SEC14L6: variants seen among roughly 807,000 people sequenced by gnomAD.
SEC14L6 encodes SEC14-like protein 6.
Under a neutral mutation model 54.1 loss-of-function variants are expected in SEC14L6, and 40 were observed. That is an observed-to-expected ratio of 0.74 (90% CI 0.57 to 0.96). The LOEUF (loss-of-function observed/expected upper bound fraction) is 0.96. Among genes scored for constraint, SEC14L6 ranks in the 40% least tolerant of loss-of-function variants. The pLI is 0.00. For synonymous variants in SEC14L6, 171 were observed against 198.4 expected (o/e 0.86, Z 1.16); for missense variants, 471 against 498.3 (o/e 0.95, Z 0.52).
At chr22:30,543,746 T>G in intron 1 of SEC14L6, 1 of 1,579,190 alleles carries the variant, frequency 6.3e-7, no homozygotes, top group Admixed American at 1.7e-5. Flanking sequence ...GCTCTCTACC[T>G]CGTCCGAATC....
At chr22:30,526,486 A>C (rs1936784605) in intron 8 of SEC14L6, among the ~76,000 whole-genome samples, 3 of 152,210 alleles carry the variant, frequency 2.0e-5, no homozygotes, top group Admixed American at 2.0e-4. Flanking sequence ...AGAGGTGGAC[A>C]CCCAGTACCC....
intron 11 of SEC14L6, 86 bp downstream of exon 11, chr22:30,525,264 C>G (rs1568960483): frequency 6.7e-7 from 1 of 1,491,416 alleles, no homozygotes; most frequent in African/African-American, 1.4e-5. Context: ...AACCAAGGGC[C>G]CTCACCTGGT....
At chr22:30,534,993 G>A (rs1274696212) in intron 2 of SEC14L6, among the ~76,000 whole-genome samples, 2 of 150,742 alleles carry the variant, frequency 1.3e-5, no homozygotes, top group Admixed American at 6.6e-5. Flanking sequence ...CTAGGGGTTC[G>A]AGACCAGCCT....
Position 30,531,998 on chromosome 22 carries a change from G to C in SEC14L6, c.424C>G (p.Leu142Val). The C allele has an allele frequency of 6.5e-7, 1 of 1,550,286 alleles. No individual in the cohort carries two copies. The highest frequency in any genetic ancestry group is 8.7e-7 in the Non-Finnish European group (1 of 1,146,608). ...LRECELQSQK[L>V]GKRVEKIIAI... ...ATGATTTTCTCCACCCTCTTCCCCA[G>C]CTGCAAGGGAATGACAGGGGGTGAG... Residue 142 changes from leucine (L) to valine (V), a missense_variant and splice_region_variant, in exon 6 of 12, where the codon CTG (leucine) becomes GTG (valine). By Grantham distance (32) the Leu-to-Val change is conservative. Transcript: ENST00000402034.
chr22:30,535,887 G>GTA (rs777717044), intron 2 of SEC14L6, among the ~76,000 whole-genome samples: 5 of 128,518 alleles, frequency 3.9e-5, no homozygotes, highest in Non-Finnish European at 3.3e-5. Flanking sequence ...AGTTTTTTGT[G>GTA]TTTTTTTTTT....
chr22:30,543,924 G>A, intron 1 of SEC14L6: 4 of 1,605,952 alleles, frequency 2.5e-6, no homozygotes, highest in Non-Finnish European at 3.4e-6. Flanking sequence ...ACCACACAGA[G>A]TATGCCAGCA....
intron 8 of SEC14L6, among the ~76,000 whole-genome samples, chr22:30,526,181 C>A (rs1428128056): frequency 6.6e-6 from 1 of 152,244 alleles, no homozygotes; most frequent in African/African-American, 2.4e-5. Context: ...ACTGCCCCTG[C>A]AGGCCCTGCC....
At chr22:30,543,233 T>C (rs1454662916) in intron 1 of SEC14L6, 38 of 1,600,996 alleles carry the variant, frequency 2.4e-5, no homozygotes, top group Non-Finnish European at 3.3e-5. Flanking sequence ...CGCGGGGACA[T>C]TCACTCTCAA....
chr22:30,526,678 C>T lies in SEC14L6; in HGVS notation c.665-746G>A, dbSNP rs1382697967. On this transcript the variant is annotated intron_variant, in intron 8 of 11. Transcript: ENST00000402034. ...CCGGGAGGCAGAGGCTGCAGTGAGC[C>T]GAGACCACACCCTGTACTCCAGCCT... is the stretch of plus-strand genomic sequence containing the variant. 8.1e-5 allele frequency among the ~76,000 whole-genome samples: 12 copies of T among 148,952 alleles called. No individual in the cohort carries two copies. In the East Asian group the frequency reaches 1.4e-3, roughly 17 times the overall value.
intron 2 of SEC14L6, among the ~76,000 whole-genome samples, chr22:30,535,580 C>T (rs540902314): frequency 5.5e-4 from 84 of 152,266 alleles, no homozygotes; most frequent in Non-Finnish European, 9.6e-4. Context: ...GGGGACTAGA[C>T]GCCTGTCTTT....
At position 30,528,000 on chromosome 22, in the gene SEC14L6, A is replaced by G. The variant is rs556819207; in HGVS notation, c.664+1087T>C. Among the ~76,000 whole-genome samples, 26 of 152,154 alleles carry G rather than the reference A, an allele frequency of 1.7e-4. No homozygotes were observed. The East Asian group carries it at 5.0e-3, about 29-fold the overall frequency. On this transcript the variant is annotated intron_variant, in intron 8 of 11. Transcript: ENST00000402034. ...TTTTTTGGAAAATATATTTCTCTGA[A>G]AAAGATAGTGTTAATTGTAGTTCGC...
chr22:30,526,105 G>A (rs1206617768), intron 8 of SEC14L6, among the ~76,000 whole-genome samples, 173 bp from the exon 9 acceptor site: 3 of 152,202 alleles, frequency 2.0e-5, no homozygotes, highest in Admixed American at 6.5e-5. Context: ...AGTGGCCCTA[G>A]GTCTTGTCCT....
At position 30,532,722 on chromosome 22, in the gene SEC14L6, A is replaced by G. The variant is rs774423789; in HGVS notation, c.235-9T>C. 1.3e-6 allele frequency: 2 copies of G among 1,580,134 alleles called. No homozygotes were observed. Among genetic ancestry groups the G allele is most frequent in the Non-Finnish European group, 1.7e-6 (2 of 1,162,800 alleles). ...TTGTACAGCCTGACCACCTGGATGC[A>G]TACACAGGAGACGGGGGTTCAGTGC... is the stretch of plus-strand genomic sequence containing the variant. On this transcript the variant is annotated splice_polypyrimidine_tract_variant and intron_variant, in intron 4 of 11. Transcript: ENST00000402034.
At chr22:30,543,895 C>G in intron 1 of SEC14L6, 1 of 1,587,352 alleles carries the variant, frequency 6.3e-7, no homozygotes, top group Non-Finnish European at 8.6e-7. Flanking sequence ...GCCTGCTCCC[C>G]GGGCCGCGGA....
rs759028622 is a variant in SEC14L6, at chr22:30,529,154, G to C, written c.597C>G (p.Ala199=). Reference sequence around the variant, plus strand: ...AAGACTTGACCAGGTTGAAGGCTACGGCGAATAGCTTGGGGGCTGAAACCA... The same window carrying C: ...AAGACTTGACCAGGTTGAAGGCTACCGCGAATAGCTTGGGGGCTGAAACCA... ...LIVVRAPKLF[A]VAFNLVKSYM... Residue 199 remains alanine (A), a synonymous_variant, in exon 8 of 12, where the codon GCC becomes GCG. Coordinates refer to ENST00000402034, the MANE Select transcript of SEC14L6 (RefSeq NM_001193336.4). The C allele has an allele frequency of 6.4e-7, 1 of 1,551,048 alleles. No individual in the cohort carries two copies. The highest frequency in any genetic ancestry group is 1.2e-5 in the South Asian group (1 of 84,016).
At chr22:30,538,999 G>A (rs1393491404) in intron 1 of SEC14L6, 97 bp from the exon 2 acceptor site, 1 of 789,020 alleles carries the variant, frequency 1.3e-6, no homozygotes. Context: ...TGAGTGAAGA[G>A]GTCCCACTCG....
rs1936650639 is a variant in SEC14L6, at chr22:30,522,847, A to G, written c.*2150T>C. On this transcript the variant is annotated 3_prime_UTR_variant, in exon 12 of 12. Transcript: ENST00000402034. ...ATCGCCCCCAAACTGGAAGCGACTC[A>G]ACCAGCCTTTAACAGGGGAAGGGAT... is the stretch of plus-strand genomic sequence containing the variant. 6.6e-6 allele frequency: 1 copy of G among 152,188 alleles called. No homozygotes were observed. The highest frequency in any genetic ancestry group is 2.1e-4 in the South Asian group (1 of 4,832). The allele number at this position is 152,188 out of a possible 1,614,324, so 9.4% of individuals were successfully genotyped here.
At position 30,532,263 on chromosome 22, in the gene SEC14L6, TCGTC is replaced by T. The variant is rs1937003159; in HGVS notation, c.423+258_423+261del. On this transcript the variant is annotated intron_variant, in intron 5 of 11. Coordinates refer to ENST00000402034, the MANE Select transcript of SEC14L6 (RefSeq NM_001193336.4). ...AGTGGGGCTGAAATCCCTGTCCCTC[TCGTC>T]CAATGAGGCTGCAGAGGGCAGTGTG... 3.0e-6 allele frequency: 3 copies of T among 985,342 alleles called. No individual in the cohort carries two copies. In the South Asian group the frequency reaches 1.4e-4, roughly 46 times the overall value. The allele number at this position is 985,342 out of a possible 1,614,324, so 61.0% of individuals were successfully genotyped here.
chr22:30,540,049 T>C (rs530156495), intron 1 of SEC14L6, among the ~76,000 whole-genome samples: 1 of 152,366 alleles, frequency 6.6e-6, no homozygotes, highest in South Asian at 2.1e-4. Context: ...CTGGGTCTTA[T>C]TCTCTTTGGG....
Sources: allele counts gnomAD v4.1 joint callset (sites outside exome capture counted in the v4.1 genomes callset), GRCh38; gene constraint gnomAD v4.1.1; transcripts MANE v1.5; gene names NCBI Gene and HGNC (gene_info 2026-07-23, HGNC 2026-07-21).